GABRE: variants seen among roughly 807,000 people sequenced by gnomAD.
GABRE encodes gamma-aminobutyric acid type A receptor subunit epsilon.
A neutral mutation model predicts 31.0 loss-of-function variants in GABRE; 20 were observed. The ratio of observed to expected loss-of-function variants is 0.64; its 90% CI spans 0.45 to 0.94. The LOEUF (loss-of-function observed/expected upper bound fraction) is 0.94. Ranked by LOEUF, GABRE falls within the 40% of genes least tolerant of loss-of-function variation. The pLI, the probability that GABRE is intolerant of heterozygous loss-of-function variation, is 0.00. For synonymous variants in GABRE, 155 were observed against 150.6 expected (o/e 1.03, Z -0.21); for missense variants, 420 against 410.7 (o/e 1.02, Z -0.20).
At chrX:151,959,749 A>C (rs181857376) in intron 6 of GABRE, 90 bp downstream of exon 6, 15 of 974,376 alleles carry the variant, frequency 1.5e-5, no homozygotes, top group Non-Finnish European at 2.0e-5. Flanking sequence ...CAATGTTTGC[A>C]CGGGATGACT....
chrX:151,960,466 A>T (rs1934330307), intron 5 of GABRE, among the ~76,000 whole-genome samples: 1 of 112,223 alleles, frequency 8.9e-6, no homozygotes, highest in Non-Finnish European at 1.9e-5. Flanking sequence ...CACCTGGTGT[A>T]TTGTGGAAAG....
chrX:151,964,444 C>T (rs1934471137), intron 3 of GABRE, among the ~76,000 whole-genome samples: 1 of 111,146 alleles, frequency 9.0e-6, no homozygotes, highest in Non-Finnish European at 1.9e-5. Flanking sequence ...CCAGGTGTTC[C>T]AAAATAAAAT....
intron 4 of GABRE, among the ~76,000 whole-genome samples, chrX:151,961,753 C>T: frequency 9.0e-6 from 1 of 111,230 alleles, no homozygotes; most frequent in Non-Finnish European, 1.9e-5. Flanking sequence ...AGCCACCGTG[C>T]CTGGACCTCG....
At position 151,955,647 on chromosome X, in the gene GABRE, C is replaced by T; in HGVS notation, c.937+61G>A. ...TAAAAGACTCCATGACAAGGCAACT[C>T]TGCCCTGGCCCAGCCAACTCCCAGC... On this transcript the variant is annotated intron_variant, in intron 7 of 8. Transcript: ENST00000370328. 2.5e-6 allele frequency: 3 copies of T among 1,202,777 alleles called. No homozygotes were observed. In the South Asian group the frequency reaches 5.3e-5, roughly 21 times the overall value.
Position 151,954,608 on chromosome X carries a change from G to C in GABRE, c.*93C>G. 5 of 556,772 alleles carry C rather than the reference G, an allele frequency of 9.0e-6. No homozygotes were observed. The highest frequency in any genetic ancestry group is 1.4e-5 in the Non-Finnish European group (5 of 364,632). The allele number at this position is 556,772 out of a possible 1,213,427, so 45.9% of individuals were successfully genotyped here. ...GGCAGGAAAAACTCTAGTCGCTCCT[G>C]CTGCTGCTGCTGCTTTCCCCCAACT... On this transcript the variant is annotated 3_prime_UTR_variant, in exon 9 of 9. Coordinates refer to ENST00000370328, the MANE Select transcript of GABRE (RefSeq NM_004961.4).
Position 151,955,777 on chromosome X carries a change from C to T in GABRE, c.868G>A (p.Val290Met), listed in dbSNP as rs375058276. ...GAAACCCAGGAGAGCATCGTGGTCA[C>T]GGAAGAAGGGACATAGTTTTGAAAG... The part of the protein sequence containing the change: ...VAFQNYVPSS[V>M]TTMLSWVSFW... The change falls in exon 7 of 9, where the codon GTG becomes ATG. Residue 290 changes from valine to methionine, a missense_variant. Val to Met is a conservative substitution (Grantham distance 21). Transcript: ENST00000370328. 23 of 1,210,212 alleles carry T rather than the reference C, an allele frequency of 1.9e-5. No individual in the cohort carries two copies. The highest frequency in any genetic ancestry group is 1.0e-4 in the African/African-American group (6 of 57,189).
intron 8 of GABRE, 92 bp downstream of exon 8, chrX:151,955,276 A>T: frequency 8.3e-7 from 1 of 1,206,998 alleles, no homozygotes; most frequent in Non-Finnish European, 1.1e-6. Context: ...TCACTCAGCA[A>T]GCTGACCACC....
At position 151,974,651 on chromosome X, in the gene GABRE, T is replaced by G; in HGVS notation, c.-26A>C. On this transcript the variant is annotated 5_prime_UTR_variant, in exon 1 of 9. Coordinates refer to ENST00000370328, the MANE Select transcript of GABRE (RefSeq NM_004961.4). ...TTCCGCGGAGACCGGCGCGACCACC[T>G]GCGCGGAGGTCGCGGCTCACGCTCT... 9.0e-7 allele frequency: 1 copy of G among 1,116,710 alleles called. No homozygotes were observed. The highest frequency in any genetic ancestry group is 1.2e-6 in the Non-Finnish European group (1 of 827,356). The allele number at this position is 1,116,710 out of a possible 1,213,427, so 92.0% of individuals were successfully genotyped here.
rs1358062660 is a variant in GABRE, at chrX:151,953,783, T to G, written c.*918A>C. 1.8e-5 allele frequency: 2 copies of G among 111,736 alleles called. No homozygotes were observed. Among genetic ancestry groups the G allele is most frequent in the Non-Finnish European group, 3.8e-5 (2 of 53,164 alleles). The allele number at this position is 111,736 out of a possible 1,213,427, so 9.2% of individuals were successfully genotyped here. ...GCACCAATCAATGGCGAGTAATGCC[T>G]GTTGCAAAGCCGAGTTTCCTTAGTT... is the stretch of plus-strand genomic sequence containing the variant. On this transcript the variant is annotated 3_prime_UTR_variant, in exon 9 of 9. Coordinates refer to ENST00000370328, the MANE Select transcript of GABRE (RefSeq NM_004961.4).
At chrX:151,969,622 G>T (rs776133043) in intron 3 of GABRE, 47 bp downstream of exon 3, 8 of 1,161,093 alleles carry the variant, frequency 6.9e-6, no homozygotes, top group Non-Finnish European at 9.2e-6. Flanking sequence ...GGTCCCATAG[G>T]TCAGCCCCTG....
intron 3 of GABRE, among the ~76,000 whole-genome samples, chrX:151,964,119 CT>C (rs3216394): frequency 4.1e-4 from 45 of 109,531 alleles, no homozygotes; most frequent in South Asian, 1.2e-3. Context: ...ATTAGTCTCA[CT>C]TTTTTTTTTC....
intron 6 of GABRE, chrX:151,957,791 T>C (rs892617303): frequency 4.6e-6 from 1 of 216,920 alleles, no homozygotes; most frequent in African/African-American, 2.9e-5. Context: ...AAGATGGTTT[T>C]CTGCTCAAAC....
intron 1 of GABRE, 69 bp downstream of exon 1, chrX:151,974,501 A>T: frequency 4.3e-5 from 24 of 563,011 alleles, no homozygotes; most frequent in Non-Finnish European, 6.3e-5. Flanking sequence ...GGGTCCCGGG[A>T]GCCGTCCCGG....
chrX:151,964,449 T>C lies in GABRE; in HGVS notation c.343-1806A>G, dbSNP rs776742587. On this transcript the variant is annotated intron_variant, in intron 3 of 8. Transcript: ENST00000370328. The stretch of plus-strand genomic sequence containing the variant: ...TTTTCTATTTCCAGGTGTTCCAAAA[T>C]AAAATATAATTCCCAACTAGATCAC... Among the ~76,000 whole-genome samples, 3 of 111,380 alleles carry C rather than the reference T, an allele frequency of 2.7e-5. 1 individual carries two copies. The South Asian group carries it at 1.1e-3, about 43-fold the overall frequency.
intron 1 of GABRE, chrX:151,971,630 T>G (rs1005074708): frequency 8.1e-6 from 1 of 123,967 alleles, no homozygotes; most frequent in Admixed American, 9.0e-5. Flanking sequence ...GGGTGGGTGG[T>G]GTAAAAGAAA....
At position 151,972,472 on chromosome X, in the gene GABRE, T is replaced by A. The variant is rs1032157351; in HGVS notation, c.57-2070A>T. ...AACGTGGCACAATCAGAACTGGCAG[T>A]CAGTGGTAGACTGAGCACTGCCAGA... On this transcript the variant is annotated intron_variant, in intron 1 of 8. Coordinates refer to ENST00000370328, the MANE Select transcript of GABRE (RefSeq NM_004961.4). 16 of 751,266 alleles carry A rather than the reference T, an allele frequency of 2.1e-5. No homozygotes were observed. The African/African-American group carries it at 3.7e-4, about 18-fold the overall frequency. The allele number at this position is 751,266 out of a possible 1,213,427, so 61.9% of individuals were successfully genotyped here.
intron 1 of GABRE, among the ~76,000 whole-genome samples, chrX:151,973,282 T>C (rs1934775833): frequency 9.0e-6 from 1 of 110,944 alleles, no homozygotes; most frequent in African/African-American, 3.3e-5. Context: ...GCTGTTTTCC[T>C]CTCTGACCAC....
Position 151,969,511 on chromosome X carries a change from T to C in GABRE, c.342+158A>G, listed in dbSNP as rs955732681. Reference sequence around the variant, plus strand: ...AGCAAGGGACTTACCTTTTCCAGTCTCATTCTCAAACCAGTGGTTAAAAAA... The same window carrying C: ...AGCAAGGGACTTACCTTTTCCAGTCCCATTCTCAAACCAGTGGTTAAAAAA... On this transcript the variant is annotated intron_variant, in intron 3 of 8. Transcript: ENST00000370328. The C allele has an allele frequency of 1.1e-5, 5 of 436,703 alleles. No homozygotes were observed. The African/African-American group carries it at 1.3e-4, about 11-fold the overall frequency. The allele number at this position is 436,703 out of a possible 1,213,427, so 36.0% of individuals were successfully genotyped here. A position where few individuals can be genotyped will look rare whatever the true frequency, so the allele number is the denominator to read the frequency against.
chrX:151,966,444 A>C (rs1329460486), intron 3 of GABRE, among the ~76,000 whole-genome samples: 2 of 112,134 alleles, frequency 1.8e-5, no homozygotes, highest in Non-Finnish European at 3.8e-5. Flanking sequence ...AAAGGTGTTG[A>C]AACTCCCCTC....
Sources: allele counts gnomAD v4.1 joint callset (sites outside exome capture counted in the v4.1 genomes callset), GRCh38; gene constraint gnomAD v4.1.1; transcripts MANE v1.5; gene names NCBI Gene and HGNC (gene_info 2026-07-23, HGNC 2026-07-21).